ESYT2: variants seen among roughly 807,000 people sequenced by gnomAD.
ESYT2 encodes the protein extended synaptotagmin-2.
In ESYT2, 54 loss-of-function variants were observed where a neutral mutation model predicts 107.2. The ratio of observed to expected loss-of-function variants is 0.50; its 90% CI spans 0.40 to 0.63. ESYT2 has a LOEUF of 0.63. ESYT2 is among the 30% of genes least tolerant of loss of function. The probability of loss-of-function intolerance (pLI) is 0.00; values close to 1 mark genes in which losing one functional copy is unlikely to be tolerated. For missense variants in ESYT2, 1,020 were observed against 1,094.5 expected (o/e 0.93, Z 0.96); for synonymous variants, 491 against 434.1 (o/e 1.13, Z -1.63).
intron 13 of ESYT2, among the ~76,000 whole-genome samples, chr7:158,757,772 T>G (rs1346505822): frequency 1.3e-5 from 2 of 151,752 alleles, no homozygotes; most frequent in African/African-American, 4.9e-5. Context: ...TTTTTTGTTT[T>G]TTGTTTTTTT....
intron 1 of ESYT2, among the ~76,000 whole-genome samples, chr7:158,821,279 G>A (rs12055886): frequency 0.097 from 14,690 of 152,210 alleles, 1,103 homozygotes; most frequent in East Asian, 0.43. Flanking sequence ...AGAACAGGAG[G>A]TGACTCAGTG....
chr7:158,743,634 G>GA lies in ESYT2; in HGVS notation c.1688dup (p.Leu565ProfsTer8), dbSNP rs1488856661. On this transcript the variant is annotated frameshift_variant, in exon 17 of 23. Transcript: ENST00000275418. ...CACTGGTGAGCAGCTGGCTGAGGGGGACCTTCAGGTTCCCCAGGGAACACT... is the reference window on the plus strand; with the variant it reads ...CACTGGTGAGCAGCTGGCTGAGGGGGAACCTTCAGGTTCCCCAGGGAACACT... The GA allele has an allele frequency of 1.9e-6, 3 of 1,613,392 alleles. No individual in the cohort carries two copies. The highest frequency in any genetic ancestry group is 2.5e-6 in the Non-Finnish European group (3 of 1,179,826).
chr7:158,792,767 T>C (rs1304472863), intron 4 of ESYT2, among the ~76,000 whole-genome samples: 1 of 105,962 alleles, frequency 9.4e-6, no homozygotes, highest in Non-Finnish European at 2.0e-5. Context: ...ACGTGGGGTT[T>C]TTTTTTTTTT....
At chr7:158,762,895 T>C (rs143120436) in intron 10 of ESYT2, among the ~76,000 whole-genome samples, 188 bp downstream of exon 10, 1,770 of 152,334 alleles carry the variant, frequency 0.012, 27 homozygotes, top group African/African-American at 0.041. Context: ...GACTCACTTC[T>C]CTTAAATGTG....
chr7:158,803,058 G>T (rs1005272954), intron 1 of ESYT2, among the ~76,000 whole-genome samples: 1 of 152,206 alleles, frequency 6.6e-6, no homozygotes, highest in African/African-American at 2.4e-5. Context: ...CCCTCTCTTA[G>T]ACCACAACTA....
intron 13 of ESYT2, among the ~76,000 whole-genome samples, chr7:158,755,029 C>G (rs1837704521): frequency 1.3e-5 from 2 of 152,100 alleles, no homozygotes; most frequent in Non-Finnish European, 2.9e-5. Flanking sequence ...AAATTAAAGC[C>G]CAGAATTTCA....
At chr7:158,747,479 A>G (rs1342987538) in intron 16 of ESYT2, among the ~76,000 whole-genome samples, 1 of 152,204 alleles carries the variant, frequency 6.6e-6, no homozygotes, top group Non-Finnish European at 1.5e-5. Context: ...AAAGACCGTA[A>G]AAAAGCATAA....
intron 14 of ESYT2, among the ~76,000 whole-genome samples, chr7:158,752,535 G>A (rs1189728812): frequency 6.6e-6 from 1 of 152,216 alleles, no homozygotes; most frequent in African/African-American, 2.4e-5. Context: ...CTTAGAGAGA[G>A]TTGCCTAAAG....
chr7:158,773,304 C>T (rs1394152606), intron 7 of ESYT2, 37 bp downstream of exon 7: 10 of 1,612,614 alleles, frequency 6.2e-6, no homozygotes, highest in Non-Finnish European at 7.6e-6. Context: ...AACACGCCCT[C>T]GAACGCTAAG....
At position 158,829,347 on chromosome 7, in the gene ESYT2, G is replaced by A. The variant is rs1472168195; in HGVS notation, c.72C>T (p.Asn24=). 2.8e-6 allele frequency: 4 copies of A among 1,418,866 alleles called. No individual in the cohort carries two copies. Among genetic ancestry groups the A allele is most frequent in the Non-Finnish European group, 3.7e-6 (4 of 1,091,324 alleles). 87.9% of individuals were successfully genotyped at this position (1,418,866 alleles called of 1,614,324 possible). The change falls in exon 1 of 23, where the codon AAC becomes AAT. Residue 24 remains asparagine (N), a synonymous_variant. Coordinates refer to ENST00000275418, the MANE Select transcript of ESYT2 (RefSeq NM_001367773.1). Reference sequence around the variant, plus strand: ...GCTCCACGCTCAGCACGCCCCCGGGGTTCTCAGGCGCCGCGCGGCCCCCAG... The same window carrying A: ...GCTCCACGCTCAGCACGCCCCCGGGATTCTCAGGCGCCGCGCGGCCCCCAG... ...GGAGGRAAPE[N]PGGVLSVELP... is the part of the protein sequence containing the mutation.
Position 158,788,107 on chromosome 7 carries a change from G to C in ESYT2, c.658-14C>G. ...GGTACCATGAATCTAAACTCAAACA[G>C]GAAACCAAAATATGTAATAGAAAAC... is the stretch of plus-strand genomic sequence containing the variant. On this transcript the variant is annotated splice_polypyrimidine_tract_variant and intron_variant, in intron 5 of 22. Coordinates refer to ENST00000275418, the MANE Select transcript of ESYT2 (RefSeq NM_001367773.1). The C allele has an allele frequency of 6.2e-7, 1 of 1,607,536 alleles. No individual in the cohort carries two copies. The highest frequency in any genetic ancestry group is 1.1e-5 in the South Asian group (1 of 90,894).
At chr7:158,749,784 T>A in intron 14 of ESYT2, 61 bp from the exon 15 acceptor site, 1 of 1,490,082 alleles carries the variant, frequency 6.7e-7, no homozygotes, top group Non-Finnish European at 9.3e-7. Context: ...GGGTCTTAAC[T>A]AAAAATGAAA....
At chr7:158,770,853 A>C (rs1004569923) in intron 7 of ESYT2, among the ~76,000 whole-genome samples, 69 of 152,266 alleles carry the variant, frequency 4.5e-4, no homozygotes, top group African/African-American at 1.6e-3. Context: ...TAAAATCTAC[A>C]TATAAAACAA....
chr7:158,755,132 G>A (rs1489567557), intron 13 of ESYT2, among the ~76,000 whole-genome samples: 3 of 152,202 alleles, frequency 2.0e-5, no homozygotes, highest in African/African-American at 7.2e-5. Context: ...GTTTGCAGAT[G>A]GGGATCGCTG....
At chr7:158,819,826 T>C in intron 1 of ESYT2, among the ~76,000 whole-genome samples, 1 of 152,220 alleles carries the variant, frequency 6.6e-6, no homozygotes, top group Non-Finnish European at 1.5e-5. Flanking sequence ...CTTCACCGTG[T>C]AACTGAACAA....
chr7:158,822,741 T>C (rs1840321168), intron 1 of ESYT2, among the ~76,000 whole-genome samples: 1 of 151,182 alleles, frequency 6.6e-6, no homozygotes, highest in Non-Finnish European at 1.5e-5. Context: ...AGCCTAGGAG[T>C]TCGAGGCCAG....
intron 1 of ESYT2, among the ~76,000 whole-genome samples, chr7:158,820,192 G>A (rs1840252600): frequency 6.6e-6 from 1 of 152,152 alleles, no homozygotes; most frequent in Admixed American, 6.5e-5. Flanking sequence ...AAGTGAACAT[G>A]TATTATTTTT....
chr7:158,821,047 G>A (rs1196359008), intron 1 of ESYT2, among the ~76,000 whole-genome samples: 5 of 151,962 alleles, frequency 3.3e-5, no homozygotes, highest in East Asian at 1.9e-4. Context: ...TGCGATCCAG[G>A]AAAAAATTCA....
In ESYT2 at chr7:158,732,476, GA is replaced by G; in HGVS notation, c.*1730del. The G allele has an allele frequency of 6.6e-6, 1 of 152,214 alleles. No homozygotes were observed. 9.4% of individuals were successfully genotyped at this position (152,214 alleles called of 1,614,324 possible). A position where few individuals can be genotyped will look rare whatever the true frequency, so the allele number is the denominator to read the frequency against. On this transcript the variant is annotated 3_prime_UTR_variant, in exon 23 of 23. Coordinates refer to ENST00000275418, the MANE Select transcript of ESYT2 (RefSeq NM_001367773.1). ...CAGTCGCATGTCATTCAGCAGGAGG[GA>G]ATATACTGGTCTTTATGATTACATG...
Sources: allele counts gnomAD v4.1 joint callset (sites outside exome capture counted in the v4.1 genomes callset), GRCh38; gene constraint gnomAD v4.1.1; transcripts MANE v1.5; gene names NCBI Gene and HGNC (gene_info 2026-07-23, HGNC 2026-07-21).